Variants in UGGT1 observed in about 807,000 individuals in gnomAD.
The protein encoded by UGGT1 is UDP-glucose glycoprotein glucosyltransferase 1.
In UGGT1, 107 loss-of-function variants were observed where a neutral mutation model predicts 203.9. That is an observed-to-expected ratio of 0.52 (90% CI 0.45 to 0.62). The LOEUF (loss-of-function observed/expected upper bound fraction) is 0.62, where lower values mean the gene tolerates loss of function less well. Among genes scored for constraint, UGGT1 ranks in the 20% least tolerant of loss-of-function variants. The pLI is 0.00. For missense variants in UGGT1, 1,673 were observed against 1,867.2 expected, an observed-to-expected ratio of 0.90 and a Z score of 1.92; for synonymous variants, 628 against 653.5, an observed-to-expected ratio of 0.96 and a Z score of 0.59.
chr2:128,123,317 C>G (rs1688467983), intron 11 of UGGT1, 71 bp downstream of exon 11: 3 of 1,326,526 alleles, frequency 2.3e-6, no homozygotes, highest in African/African-American at 1.5e-5. Flanking sequence ...TGAGTTTAAT[C>G]AGCAGCATTT....
Position 128,164,767 on chromosome 2 carries a change from T to A in UGGT1, c.2863T>A (p.Ser955Thr), listed in dbSNP as rs1690702018. The change falls in exon 26 of 41, where the codon TCA (serine) becomes ACA (threonine). Residue 955 changes from serine to threonine, a missense_variant. Physicochemically the swap from Ser to Thr is moderately conservative, Grantham distance 58 (BLOSUM62 1). Around this residue, in one of 4 missense-constraint regions of UGGT1, gnomAD observed 1,073 missense variants for 1,078.7 expected, o/e 0.99. Transcript: ENST00000259253. ...GGTAATGAAGGTGGATGCTCTTCTG[T>A]CAGCGCAACCAAAAGGAGATCCAAG... Reference protein sequence around the residue: ...DLVMKVDALLSAQPKGDPRIE... With the variant: ...DLVMKVDALLTAQPKGDPRIE... 1.9e-6 allele frequency: 3 copies of A among 1,613,486 alleles called. No homozygotes were observed. Among genetic ancestry groups the A allele is most frequent in the Non-Finnish European group, 2.5e-6 (3 of 1,179,772 alleles).
At chr2:128,127,307 A>AT (rs1220019710) in intron 11 of UGGT1, 54 bp from the exon 12 acceptor site, 35 of 1,326,760 alleles carry the variant, frequency 2.6e-5, no homozygotes, top group Non-Finnish European at 3.6e-5. Flanking sequence ...AAACAATAAA[A>AT]TTTTTTTTAA....
chr2:128,163,188 A>G (rs1328635103), intron 25 of UGGT1, among the ~76,000 whole-genome samples: 1 of 152,194 alleles, frequency 6.6e-6, no homozygotes, highest in East Asian at 1.9e-4. Context: ...ACATCACAGG[A>G]AGAGAATGGC....
In UGGT1 at chr2:128,187,512, C is replaced by A. The variant is rs145860116; in HGVS notation, c.4540C>A (p.Gln1514Lys). The change falls in exon 40 of 41, where the codon CAG (glutamine) becomes AAG (lysine). Residue 1514 changes from glutamine to lysine, a missense_variant. Physicochemically the swap from Gln to Lys is moderately conservative, Grantham distance 53. Coordinates refer to ENST00000259253, the MANE Select transcript of UGGT1 (RefSeq NM_020120.4). ...AGCTGTGCGGATTGTCCCGGAGTGG[C>A]AGGACTACGACCAAGAGATCAAACA... ...EAAVRIVPEWQDYDQEIKQLQ... is the reference protein window; with the variant it reads ...EAAVRIVPEWKDYDQEIKQLQ... 10 of 1,614,116 alleles carry A rather than the reference C, an allele frequency of 6.2e-6. No individual in the cohort carries two copies. Among genetic ancestry groups the A allele is most frequent in the Non-Finnish European group, 8.5e-6 (10 of 1,180,018 alleles).
intron 37 of UGGT1, among the ~76,000 whole-genome samples, chr2:128,182,891 A>T (rs1390792084): frequency 1.4e-5 from 2 of 142,796 alleles, no homozygotes; most frequent in Non-Finnish European, 3.0e-5. Flanking sequence ...CTACCTATTT[A>T]TACATTTTGT....
chr2:128,110,023 G>A (rs1687774682), intron 5 of UGGT1, among the ~76,000 whole-genome samples: 1 of 152,166 alleles, frequency 6.6e-6, no homozygotes, highest in Non-Finnish European at 1.5e-5. Context: ...GACTGCATCT[G>A]AGCAATGACA....
intron 26 of UGGT1, among the ~76,000 whole-genome samples, chr2:128,165,809 T>A (rs578084234): frequency 6.6e-6 from 1 of 152,100 alleles, no homozygotes; most frequent in Admixed American, 6.6e-5. Context: ...TCATCTGGGC[T>A]AGAATGCAGT....
rs1479969839 is a variant in UGGT1, at chr2:128,155,500, G to A, written c.2149G>A (p.Val717Met). 7 of 1,612,618 alleles carry A rather than the reference G, an allele frequency of 4.3e-6. No individual in the cohort carries two copies. The highest frequency in any genetic ancestry group is 5.9e-6 in the Non-Finnish European group (7 of 1,179,464). ...ATTTTTTCTCCCAGATAACTTCTTTGTGGATGATTATGCTAGATTTACTAT... is the reference window on the plus strand; with the variant it reads ...ATTTTTTCTCCCAGATAACTTCTTTATGGATGATTATGCTAGATTTACTAT... ...LDLTASNNFF[V>M]DDYARFTILD... Residue 717 changes from valine to methionine, a missense_variant, in exon 20 of 41, where the codon GTG becomes ATG. Transcript: ENST00000259253.
intron 14 of UGGT1, among the ~76,000 whole-genome samples, chr2:128,134,550 T>A (rs1016777906): frequency 6.6e-6 from 1 of 152,234 alleles, no homozygotes; most frequent in Non-Finnish European, 1.5e-5. Flanking sequence ...GAAATGAATA[T>A]ACAAAAAGGC....
chr2:128,110,851 C>T (rs1183735030), intron 5 of UGGT1, among the ~76,000 whole-genome samples: 1 of 152,104 alleles, frequency 6.6e-6, no homozygotes, highest in African/African-American at 2.4e-5. Flanking sequence ...GGTAATTTAC[C>T]TCTTACCGAT....
intron 5 of UGGT1, among the ~76,000 whole-genome samples, chr2:128,112,820 C>T (rs2105368644): frequency 6.6e-6 from 1 of 151,978 alleles, no homozygotes; most frequent in East Asian, 1.9e-4. Flanking sequence ...TGATTACAGG[C>T]ATCATGCACT....
intron 17 of UGGT1, among the ~76,000 whole-genome samples, chr2:128,144,879 G>T (rs1369096377): frequency 6.6e-6 from 1 of 152,184 alleles, no homozygotes; most frequent in Non-Finnish European, 1.5e-5. Flanking sequence ...CAATTACAAG[G>T]TGTGCGATAG....
chr2:128,162,988 T>C (rs912016248), intron 25 of UGGT1, among the ~76,000 whole-genome samples: 12 of 152,184 alleles, frequency 7.9e-5, no homozygotes, highest in African/African-American at 2.9e-4. Context: ...CACCTTGGAG[T>C]GGCCCCCTTC....
intron 2 of UGGT1, among the ~76,000 whole-genome samples, chr2:128,103,357 A>C (rs1687468235): frequency 6.6e-6 from 1 of 152,194 alleles, no homozygotes; most frequent in Non-Finnish European, 1.5e-5. Flanking sequence ...TTAAGATGGC[A>C]TTAAGTTCTT....
At chr2:128,156,849 C>T (rs1040950383) in intron 21 of UGGT1, among the ~76,000 whole-genome samples, 1 of 152,130 alleles carries the variant, frequency 6.6e-6, no homozygotes, top group Non-Finnish European at 1.5e-5. Context: ...GGATTACAGG[C>T]GTGAGCCACT....
At chr2:128,093,094 A>C (rs189025483) in intron 1 of UGGT1, among the ~76,000 whole-genome samples, 4 of 152,182 alleles carry the variant, frequency 2.6e-5, no homozygotes, top group Admixed American at 6.5e-5. Context: ...TTACCTGTAG[A>C]GTTAAGAATG....
intron 40 of UGGT1, among the ~76,000 whole-genome samples, chr2:128,187,836 C>G (rs1311946763): frequency 8.4e-6 from 1 of 119,662 alleles, no homozygotes; most frequent in African/African-American, 3.3e-5. Context: ...TCTCGTTTTT[C>G]TGGTGAGGGG....
Position 128,109,623 on chromosome 2 carries a change from T to C in UGGT1, c.409-11T>C. ...AAATTTAAAAAGTATGTGTTGTGTC[T>C]TATGTGACAGATAGCAGCTGATGAA... On this transcript the variant is annotated splice_polypyrimidine_tract_variant and intron_variant, in intron 4 of 40. Transcript: ENST00000259253. The C allele has an allele frequency of 6.2e-7, 1 of 1,606,766 alleles. No individual in the cohort carries two copies. Among genetic ancestry groups the C allele is most frequent in the Admixed American group, 1.7e-5 (1 of 60,010 alleles).
intron 25 of UGGT1, among the ~76,000 whole-genome samples, chr2:128,164,037 G>A (rs1232412006): frequency 6.6e-6 from 1 of 152,006 alleles, no homozygotes; most frequent in Non-Finnish European, 1.5e-5. Flanking sequence ...AAATTAGCTG[G>A]GCCTGGTGCT....
Sources: allele counts gnomAD v4.1 joint callset (sites outside exome capture counted in the v4.1 genomes callset), GRCh38; gene constraint gnomAD v4.1.1; regional missense constraint gnomAD v4.1.1; transcripts MANE v1.5; gene names NCBI Gene and HGNC (gene_info 2026-07-23, HGNC 2026-07-21).